The following GALNT13 variants were observed in gnomAD, a reference collection of about 807,000 sequenced individuals.
The protein encoded by GALNT13 is polypeptide N-acetylgalactosaminyltransferase 13.
Under a neutral mutation model 64.2 loss-of-function variants are expected in GALNT13, and 28 were observed. That is an observed-to-expected ratio of 0.44 (90% CI 0.32 to 0.60). GALNT13 has a LOEUF of 0.60. Among genes scored for constraint, GALNT13 ranks in the 20% least tolerant of loss-of-function variants. The pLI is 0.05. For synonymous variants in GALNT13, 214 were observed against 224.6 expected, an observed-to-expected ratio of 0.95 and a Z score of 0.42; for missense variants, 577 against 669.8, an observed-to-expected ratio of 0.86 and a Z score of 1.53.
the GALNT13 span, among the ~76,000 whole-genome samples, chr2:153,794,651 G>T: frequency 6.6e-6 from 1 of 151,906 alleles, no homozygotes; most frequent in Non-Finnish European, 1.5e-5. Context: ...ATCCTGAGTA[G>T]CTGGGATTAC....
chr2:153,661,607 A>G, the GALNT13 span, among the ~76,000 whole-genome samples: 1 of 152,192 alleles, frequency 6.6e-6, no homozygotes, highest in Non-Finnish European at 1.5e-5. Context: ...GTTATTTTCC[A>G]TGAAGATACG....
At chr2:153,863,354 A>C in the GALNT13 span, among the ~76,000 whole-genome samples, 2 of 152,120 alleles carry the variant, frequency 1.3e-5, no homozygotes, top group Admixed American at 6.5e-5. Context: ...TAACTCTATA[A>C]GTCATCAATG....
chr2:154,180,665 C>A (rs965257782), intron 4 of GALNT13, among the ~76,000 whole-genome samples: 6 of 152,164 alleles, frequency 3.9e-5, no homozygotes, highest in African/African-American at 1.4e-4. Flanking sequence ...TTCTCACCTT[C>A]TTTTTCTAAA....
chr2:153,192,459 A>G, the GALNT13 span, among the ~76,000 whole-genome samples: 3 of 152,116 alleles, frequency 2.0e-5, no homozygotes, highest in African/African-American at 7.2e-5. Flanking sequence ...CATGTGGTCT[A>G]TCGTAATGTT....
intron 3 of GALNT13, among the ~76,000 whole-genome samples, chr2:153,963,395 T>C (rs1693076524): frequency 2.0e-5 from 3 of 152,158 alleles, no homozygotes; most frequent in Non-Finnish European, 4.4e-5. Context: ...CATACACAAG[T>C]CTTTGTGTGG....
At chr2:154,400,065 C>T (rs1699230694) in intron 10 of GALNT13, among the ~76,000 whole-genome samples, 1 of 152,084 alleles carries the variant, frequency 6.6e-6, no homozygotes, top group South Asian at 2.1e-4. Flanking sequence ...GCACTACCTC[C>T]CAATTCAATT....
the GALNT13 span, among the ~76,000 whole-genome samples, chr2:153,216,574 C>T: frequency 6.6e-6 from 1 of 151,964 alleles, no homozygotes; most frequent in Non-Finnish European, 1.5e-5. Flanking sequence ...TGATGTTGGA[C>T]ATATTTTCAT....
At chr2:154,282,523 A>T (rs1469186439) in intron 8 of GALNT13, among the ~76,000 whole-genome samples, 1 of 152,142 alleles carries the variant, frequency 6.6e-6, no homozygotes. Flanking sequence ...TATATGGCCA[A>T]AAACACAAAG....
the GALNT13 span, among the ~76,000 whole-genome samples, chr2:153,698,992 A>G: frequency 6.6e-6 from 1 of 152,286 alleles, no homozygotes; most frequent in East Asian, 1.9e-4. Flanking sequence ...TGGGAGGCCA[A>G]GGCAGGCGGA....
the GALNT13 span, among the ~76,000 whole-genome samples, chr2:153,411,965 T>G: frequency 3.3e-5 from 5 of 152,178 alleles, no homozygotes; most frequent in East Asian, 9.6e-4. Flanking sequence ...ACCCTTAATC[T>G]GCTCGGCACC....
the GALNT13 span, among the ~76,000 whole-genome samples, chr2:153,409,391 T>TAG: frequency 1.3e-5 from 2 of 150,712 alleles, no homozygotes; most frequent in African/African-American, 2.4e-5. Context: ...TATATATATA[T>TAG]CTCCTAGTAG....
At chr2:154,085,201 A>G (rs1701465640) in intron 3 of GALNT13, among the ~76,000 whole-genome samples, 1 of 152,026 alleles carries the variant, frequency 6.6e-6, no homozygotes, top group Admixed American at 6.6e-5. Flanking sequence ...ATCAATTCAA[A>G]TCATATCTTT....
At chr2:153,980,326 A>T (rs367773791) in intron 3 of GALNT13, among the ~76,000 whole-genome samples, 3 of 152,156 alleles carry the variant, frequency 2.0e-5, no homozygotes, top group Non-Finnish European at 4.4e-5. Flanking sequence ...ACTAATTGCT[A>T]TGTGAAAAAA....
At chr2:153,131,694 A>G in the GALNT13 span, among the ~76,000 whole-genome samples, 4 of 152,318 alleles carry the variant, frequency 2.6e-5, no homozygotes, top group African/African-American at 9.6e-5. Flanking sequence ...TGGTGTATTC[A>G]TGTTTTTAAA....
At chr2:153,736,089 G>A in the GALNT13 span, among the ~76,000 whole-genome samples, 1 of 152,120 alleles carries the variant, frequency 6.6e-6, no homozygotes, top group Non-Finnish European at 1.5e-5. Flanking sequence ...CAATCACCAT[G>A]ACAGTTGCCA....
At chr2:153,125,191 G>A in the GALNT13 span, among the ~76,000 whole-genome samples, 7 of 152,174 alleles carry the variant, frequency 4.6e-5, no homozygotes, top group Non-Finnish European at 7.3e-5. Flanking sequence ...GCAACCTTAT[G>A]CCCAAGGTCA....
At chr2:153,292,882 C>T in the GALNT13 span, among the ~76,000 whole-genome samples, 1 of 152,128 alleles carries the variant, frequency 6.6e-6, no homozygotes, top group Non-Finnish European at 1.5e-5. Context: ...TATATATCTA[C>T]ATATATGTGT....
At chr2:153,619,356 G>A in the GALNT13 span, among the ~76,000 whole-genome samples, 2 of 151,902 alleles carry the variant, frequency 1.3e-5, no homozygotes, top group Non-Finnish European at 2.9e-5. Flanking sequence ...ACTATTTATT[G>A]TTTCTATTTA....
the GALNT13 span, among the ~76,000 whole-genome samples, chr2:153,278,401 G>A: frequency 2.6e-5 from 4 of 152,054 alleles, no homozygotes; most frequent in Non-Finnish European, 5.9e-5. Flanking sequence ...TTGCTTTTGA[G>A]GACTTAGTTA....
Sources: gnomAD v4.1 joint callset for allele counts (sites outside exome capture counted in the v4.1 genomes callset) on GRCh38, gnomAD v4.1.1 for gene constraint, MANE v1.5 for transcripts, NCBI Gene and HGNC (gene_info 2026-07-23, HGNC 2026-07-21) for gene names.